ANK3: variants seen among roughly 807,000 people sequenced by gnomAD.
The protein encoded by ANK3 is ankyrin-3.
Under a neutral mutation model 370.9 loss-of-function variants are expected in ANK3, and 57 were observed. The ratio of observed to expected loss-of-function variants is 0.15; its 90% CI spans 0.12 to 0.19. ANK3 has a LOEUF of 0.19. ANK3 is among the 10% of genes least tolerant of loss of function. The probability of loss-of-function intolerance (pLI) is 1.00; values close to 1 mark genes in which losing one functional copy is unlikely to be tolerated. For synonymous variants in ANK3, 1,929 were observed against 1,946.3 expected (o/e 0.99, Z 0.23); for missense variants, 4,439 against 5,302.1 (o/e 0.84, Z 5.06).
At chr10:60,062,402 TGAG>T (rs1018869199) in intron 40 of ANK3, 3 of 152,136 alleles carry the variant, frequency 2.0e-5, no homozygotes, top group African/African-American at 7.2e-5. Flanking sequence ...ATTTACATAA[TGAG>T]GAAAAAATGA....
At position 60,420,020 on chromosome 10, in the gene ANK3, C is replaced by T. The variant is rs111567617; in HGVS notation, c.97-140381G>A. On this transcript the variant is annotated intron_variant, in intron 2 of 43. Coordinates refer to the ANK3 transcript ENST00000373827. The stretch of plus-strand genomic sequence containing the variant: ...AATAACAAAAACCAAACATCTGACA[C>T]GGATGATCTCCAAATAACAAGTCCA... Among the ~76,000 whole-genome samples the T allele has an allele frequency of 3.0e-3, 451 of 152,200 alleles. 2 individuals are homozygous for T. The highest frequency in any genetic ancestry group is 0.01 in the African/African-American group (420 of 41,548).
chr10:60,263,764 C>G, intron 6 of ANK3, 71 bp downstream of exon 6: 2 of 1,564,638 alleles, frequency 1.3e-6, no homozygotes, highest in South Asian at 2.3e-5. Flanking sequence ...AGAGGGAGAC[C>G]GGGTGCTCTT....
At chr10:60,264,051 T>C (rs1335067612) in intron 5 of ANK3, 31 bp from the exon 6 acceptor site, 1 of 1,557,560 alleles carries the variant, frequency 6.4e-7, no homozygotes, top group South Asian at 1.2e-5. Flanking sequence ...CAAGATGGGC[T>C]CCAATGAATA....
At chr10:60,118,182 G>T (rs1175157162) in intron 25 of ANK3, among the ~76,000 whole-genome samples, 1 of 152,204 alleles carries the variant, frequency 6.6e-6, no homozygotes, top group Non-Finnish European at 1.5e-5. Flanking sequence ...CCTAACAAGT[G>T]TGTCTTGTAG....
At position 60,106,003 on chromosome 10, in the gene ANK3, A is replaced by G. The variant is rs746969179; in HGVS notation, c.3230T>C (p.Leu1077Pro). 6.2e-7 allele frequency: 1 copy of G among 1,612,824 alleles called. No individual in the cohort carries two copies. Among genetic ancestry groups the G allele is most frequent in the Non-Finnish European group, 8.5e-7 (1 of 1,179,424 alleles). ...ACCATTTTCACTTCGAAGAACAATG[A>G]GTTCTCTCTCTTTTCCTCTCATGGA... The part of the protein sequence containing the change: ...FGSMRGKERE[L>P]IVLRSENGET... Residue 1077 changes from leucine to proline, a missense_variant, in exon 28 of 44, where the codon CTC becomes CCC. This residue lies in a region of ANK3 where 702 missense variants were observed against 941.5 expected (regional missense o/e 0.75). Transcript: ENST00000280772.
intron 8 of ANK3, among the ~76,000 whole-genome samples, chr10:60,230,559 T>C (rs1484568993): frequency 6.6e-6 from 1 of 152,030 alleles, no homozygotes. Context: ...GCTGGGAAAA[T>C]GGGAAAGACT....
intron 2 of ANK3, chr10:60,508,080 TTGGG>T: frequency 6.6e-6 from 1 of 152,276 alleles, no homozygotes; most frequent in East Asian, 1.9e-4. Context: ...ATGTTTTACT[TTGGG>T]TGGGACTTCA....
intron 16 of ANK3, 23 bp from the exon 17 acceptor site, chr10:60,186,935 C>A: frequency 1.9e-6 from 3 of 1,610,442 alleles, no homozygotes; most frequent in South Asian, 2.2e-5. Flanking sequence ...ATCACTTGGT[C>A]ACATGCCCAG....
intron 1 of ANK3, among the ~76,000 whole-genome samples, chr10:60,669,526 TA>T (rs994371426): frequency 6.6e-6 from 1 of 152,176 alleles, no homozygotes; most frequent in African/African-American, 2.4e-5. Flanking sequence ...GGAATGTTTT[TA>T]TGATGCTGCC....
intron 2 of ANK3, among the ~76,000 whole-genome samples, chr10:60,482,966 A>C (rs2075262415): frequency 6.6e-6 from 1 of 152,242 alleles, no homozygotes; most frequent in Admixed American, 6.5e-5. Context: ...GGATTTTCTA[A>C]ATGTTGAGCA....
chr10:60,375,436 G>C (rs117134507), intron 1 of ANK3, among the ~76,000 whole-genome samples: 13,243 of 151,934 alleles, frequency 0.087, 731 homozygotes, highest in South Asian at 0.13. Context: ...TGGGAGTCAA[G>C]CAGCACTGCC....
chr10:60,205,359 A>C (rs924291721), intron 11 of ANK3, among the ~76,000 whole-genome samples: 4 of 152,160 alleles, frequency 2.6e-5, no homozygotes, highest in African/African-American at 9.7e-5. Context: ...TGTCCTGTAT[A>C]CTGTAAACTG....
chr10:60,028,237 A>C lies in ANK3; in HGVS notation c.*1609T>G, dbSNP rs1225418460. ...CTCCCCCATGAAATGCACAGAATTTATAAGCTGGGAGCTTGCAGGGCACAT... is the reference window on the plus strand; with the variant it reads ...CTCCCCCATGAAATGCACAGAATTTCTAAGCTGGGAGCTTGCAGGGCACAT... On this transcript the variant is annotated 3_prime_UTR_variant, in exon 44 of 44. Coordinates refer to ENST00000280772, the MANE Select transcript of ANK3 (RefSeq NM_020987.5). 1 of 152,488 alleles carries C rather than the reference A, an allele frequency of 6.6e-6. No homozygotes were observed. Among genetic ancestry groups the C allele is most frequent in the African/African-American group, 2.4e-5 (1 of 41,454 alleles). 9.4% of individuals were successfully genotyped at this position (152,488 alleles called of 1,614,324 possible). A position where few individuals can be genotyped will look rare whatever the true frequency, so the allele number is the denominator to read the frequency against.
chr10:60,033,251 G>C (rs544808026), intron 43 of ANK3, among the ~76,000 whole-genome samples: 1 of 152,080 alleles, frequency 6.6e-6, no homozygotes, highest in South Asian at 2.1e-4. Context: ...TGTAATCCCA[G>C]CACTTTGGGA....
intron 2 of ANK3, among the ~76,000 whole-genome samples, chr10:60,550,194 A>G (rs1336803116): frequency 2.6e-5 from 4 of 151,862 alleles, no homozygotes; most frequent in Admixed American, 6.6e-5. Flanking sequence ...ATATCTTTAT[A>G]TAAGTATATA....
At chr10:60,651,658 C>T (rs1467198172) in intron 1 of ANK3, among the ~76,000 whole-genome samples, 1 of 152,140 alleles carries the variant, frequency 6.6e-6, no homozygotes, top group Non-Finnish European at 1.5e-5. Context: ...GCTGCCTGTC[C>T]TTGCTGTGGA....
intron 38 of ANK3, among the ~76,000 whole-genome samples, chr10:60,064,580 C>A (rs2081241439): frequency 1.3e-5 from 2 of 152,064 alleles, no homozygotes; most frequent in African/African-American, 4.8e-5. Context: ...ATAATCCCAG[C>A]ACTTCAGGAG....
chr10:60,133,309 G>A (rs192021867), intron 25 of ANK3, among the ~76,000 whole-genome samples: 5 of 152,262 alleles, frequency 3.3e-5, no homozygotes, highest in East Asian at 1.9e-4. Context: ...AATCACTACT[G>A]TGCATACTTA....
chr10:60,373,868 A>C (rs561676539), intron 1 of ANK3, among the ~76,000 whole-genome samples: 1 of 152,288 alleles, frequency 6.6e-6, no homozygotes, highest in Admixed American at 6.5e-5. Context: ...TGCTTACGCT[A>C]ACCCCAGATG....
Sources: allele counts gnomAD v4.1 joint callset (sites outside exome capture counted in the v4.1 genomes callset), GRCh38; gene constraint gnomAD v4.1.1; regional missense constraint gnomAD v4.1.1; transcripts MANE v1.5; gene names NCBI Gene and HGNC (gene_info 2026-07-23, HGNC 2026-07-21).